ERBIN: variants seen among roughly 807,000 people sequenced by gnomAD.
ERBIN encodes the protein erbb2 interacting protein, also known as densin-180-like protein.
In ERBIN, 60 loss-of-function variants were observed where a neutral mutation model predicts 158.4. The ratio of observed to expected loss-of-function variants is 0.38; its 90% CI spans 0.31 to 0.47. The LOEUF (loss-of-function observed/expected upper bound fraction) is 0.47. Among genes scored for constraint, ERBIN ranks in the 20% least tolerant of loss-of-function variants. The pLI is 0.99. For missense variants in ERBIN, 1,610 were observed against 1,648.0 expected (o/e 0.98, Z 0.40); for synonymous variants, 594 against 557.2 (o/e 1.07, Z -0.93).
In ERBIN at chr5:65,995,319, T is replaced by C. The variant is rs551549258; in HGVS notation, c.307+455T>C. Among the ~76,000 whole-genome samples the C allele has an allele frequency of 5.3e-5, 8 of 151,930 alleles. No individual in the cohort carries two copies. In the South Asian group the frequency reaches 8.3e-4, roughly 16 times the overall value. On this transcript the variant is annotated intron_variant, in intron 4 of 25. Coordinates refer to ENST00000284037, the MANE Select transcript of ERBIN (RefSeq NM_001253697.2). ...CATCCCCAGCCCCTGGTAACCACCATGCTACTCTGCCTCTGCCTCAGCAAG... is the reference window on the plus strand; with the variant it reads ...CATCCCCAGCCCCTGGTAACCACCACGCTACTCTGCCTCTGCCTCAGCAAG...
intron 1 of ERBIN, among the ~76,000 whole-genome samples, chr5:65,929,883 G>A (rs373016059): frequency 2.5e-4 from 38 of 152,178 alleles, no homozygotes; most frequent in African/African-American, 8.9e-4. Flanking sequence ...CAGGTGATCT[G>A]CCCACCTTGG....
In ERBIN at chr5:65,976,504, A is replaced by G. The variant is rs994581944; in HGVS notation, c.-57-12131A>G. Among the ~76,000 whole-genome samples the G allele has an allele frequency of 3.4e-5, 5 of 149,232 alleles. 1 individual carries two copies. The highest frequency in any genetic ancestry group is 1.2e-4 in the African/African-American group (5 of 40,204). On this transcript the variant is annotated intron_variant, in intron 1 of 25. Transcript: ENST00000284037. ...AAAAGAAAGATTATATGAGAAAGCT[A>G]TTTCTTTTCTTTTTTCTTTTTTTTT...
At position 66,029,572 on chromosome 5, in the gene ERBIN, G is replaced by C. The variant is rs183284485; in HGVS notation, c.1206+1229G>C. Among the ~76,000 whole-genome samples, 25 of 151,696 alleles carry C rather than the reference G, an allele frequency of 1.6e-4. No individual in the cohort carries two copies. In the East Asian group the frequency reaches 3.5e-3, roughly 21 times the overall value. ...TTTCTGTTCTGTTCTGTTCTGTTCT[G>C]TCCTGTCCTGTCCTGTCCTGTCCTG... On this transcript the variant is annotated intron_variant, in intron 14 of 25. Transcript: ENST00000284037.
In ERBIN at chr5:66,050,849, A is replaced by G. The variant is rs745653471; in HGVS notation, c.1970A>G (p.Asn657Ser). ...CACAATAGCAATCAGAATAACAGCA[A>G]TTGTTCTTCTCCATCTCGGATGTCT... ...VTHNSNQNNS[N>S]CSSPSRMSDS... The change falls in exon 20 of 26, where the codon AAT becomes AGT. Residue 657 changes from asparagine to serine, a missense_variant. Physicochemically the swap from Asn to Ser is conservative, Grantham distance 46 (BLOSUM62 1). Coordinates refer to ENST00000284037, the MANE Select transcript of ERBIN (RefSeq NM_001253697.2). The G allele has an allele frequency of 3.1e-6, 5 of 1,601,912 alleles. No individual in the cohort carries two copies. The highest frequency in any genetic ancestry group is 4.3e-6 in the Non-Finnish European group (5 of 1,175,042).
In ERBIN at chr5:66,022,212, T is replaced by C. The variant is rs371091766; in HGVS notation, c.597+827T>C. Among the ~76,000 whole-genome samples the C allele has an allele frequency of 8.5e-5, 13 of 152,292 alleles. No individual in the cohort carries two copies. In the East Asian group the frequency reaches 1.5e-3, roughly 18 times the overall value. ...GTACCTCATTCTCTAAAATACATGC[T>C]GTGCTTCCCAAATTATTTATCTGTT... is the stretch of plus-strand genomic sequence containing the variant. On this transcript the variant is annotated intron_variant, in intron 8 of 25. Coordinates refer to ENST00000284037, the MANE Select transcript of ERBIN (RefSeq NM_001253697.2).
Position 66,054,903 on chromosome 5 carries a change from C to G in ERBIN, c.3585C>G (p.Asp1195Glu), listed in dbSNP as rs765071385. Residue 1195 changes from aspartate to glutamate, a missense_variant, in exon 21 of 26, where the codon GAC becomes GAG. Physicochemically the swap from Asp to Glu is conservative, Grantham distance 45. This residue lies in a region of ERBIN where 1,014 missense variants were observed against 936.1 expected (regional missense o/e 1.08). Transcript: ENST00000284037. ...DPPGKSKVPR[D>E]WREQVLRHIE... is the part of the protein sequence containing the mutation. The stretch of plus-strand genomic sequence containing the variant: ...CAGGAAAAAGTAAAGTTCCTCGTGA[C>G]TGGAGAGAACAAGTACTTCGACATA... 1.2e-5 allele frequency: 20 copies of G among 1,612,862 alleles called. No individual in the cohort carries two copies. The highest frequency in any genetic ancestry group is 1.7e-5 in the Non-Finnish European group (20 of 1,179,562).
chr5:66,067,567 A>G (rs1761117387), intron 21 of ERBIN, among the ~76,000 whole-genome samples: 1 of 152,160 alleles, frequency 6.6e-6, no homozygotes, highest in Non-Finnish European at 1.5e-5. Context: ...CAGTACTGGG[A>G]TTAGCAATTA....
intron 14 of ERBIN, among the ~76,000 whole-genome samples, chr5:66,036,894 T>C (rs570835996): frequency 1.3e-5 from 2 of 152,308 alleles, no homozygotes; most frequent in East Asian, 3.9e-4. Context: ...TTCTCATTCC[T>C]TTTTCTGTCT....
chr5:66,029,525 A>C (rs908050750), intron 14 of ERBIN, among the ~76,000 whole-genome samples: 8 of 152,258 alleles, frequency 5.3e-5, no homozygotes, highest in African/African-American at 1.9e-4. Context: ...AGGATTCTTC[A>C]TAGTTTTTAA....
At chr5:66,012,162 G>A (rs1203695742) in intron 5 of ERBIN, 35 bp downstream of exon 5, 3 of 1,379,576 alleles carry the variant, frequency 2.2e-6, no homozygotes, top group African/African-American at 1.5e-5. Flanking sequence ...TTACTTTTGT[G>A]AATAAAACAA....
chr5:66,009,863 T>G (rs778694152), intron 4 of ERBIN, among the ~76,000 whole-genome samples: 1 of 152,164 alleles, frequency 6.6e-6, no homozygotes, highest in Non-Finnish European at 1.5e-5. Flanking sequence ...ATTTTAAAAC[T>G]TAGATTAAGT....
rs1054667962 is a variant in ERBIN at position 66,024,508 on chromosome 5, A to G, written c.817+58A>G. ...ATTAAAATAAATTCGAGACTTCCAC[A>G]TAATCTCAAATTTCACTTGTTATGA... On this transcript the variant is annotated intron_variant, in intron 10 of 25. Coordinates refer to ENST00000284037, the MANE Select transcript of ERBIN (RefSeq NM_001253697.2). 7 of 1,489,558 alleles carry G rather than the reference A, an allele frequency of 4.7e-6. No homozygotes were observed. In the South Asian group the frequency reaches 5.1e-5, roughly 11 times the overall value. 92.3% of individuals were successfully genotyped at this position (1,489,558 alleles called of 1,614,324 possible). A position where few individuals can be genotyped will look rare whatever the true frequency, so the allele number is the denominator to read the frequency against.
intron 1 of ERBIN, among the ~76,000 whole-genome samples, chr5:65,968,990 T>A (rs150138240): frequency 3.8e-3 from 574 of 152,310 alleles, no homozygotes; most frequent in South Asian, 0.011. Flanking sequence ...GATTGAGAGG[T>A]CTCTTCCCTT....
chr5:65,987,783 T>G (rs1436639129), intron 1 of ERBIN, among the ~76,000 whole-genome samples: 7 of 149,946 alleles, frequency 4.7e-5, no homozygotes, highest in African/African-American at 1.7e-4. Context: ...AAGTGGAGGT[T>G]GCAGTGAGCT....
chr5:66,018,525 T>TA (rs1561380902), intron 7 of ERBIN, among the ~76,000 whole-genome samples: 187 of 6,864 alleles, frequency 0.027, 32 homozygotes, highest in Non-Finnish European at 0.044. Context: ...ATATAATATA[T>TA]ATTATATTAT....
intron 5 of ERBIN, 55 bp from the exon 6 acceptor site, chr5:66,013,490 TTTAA>T (rs1754420529): frequency 1.7e-6 from 2 of 1,207,584 alleles, no homozygotes; most frequent in Non-Finnish European, 2.5e-6. Flanking sequence ...AGTCTTAGAT[TTTAA>T]TAAAAGACTG....
chr5:65,965,262 A>G (rs1043944263), intron 1 of ERBIN, among the ~76,000 whole-genome samples: 1 of 151,464 alleles, frequency 6.6e-6, no homozygotes, highest in Non-Finnish European at 1.5e-5. Context: ...TTCTGTGTTC[A>G]TTATGTGGTG....
intron 5 of ERBIN, 21 bp downstream of exon 5, chr5:66,012,148 TA>T: frequency 1.3e-6 from 2 of 1,490,844 alleles, no homozygotes; most frequent in South Asian, 1.3e-5. Flanking sequence ...AGGTGAATTA[TA>T]AATTACTTTT....
chr5:66,052,977 A>G (rs1026225467), intron 20 of ERBIN, among the ~76,000 whole-genome samples: 1 of 152,196 alleles, frequency 6.6e-6, no homozygotes, highest in African/African-American at 2.4e-5. Context: ...TTCAAAATTA[A>G]CTGTAAAAAT....
Sources: gnomAD v4.1 joint callset for allele counts (sites outside exome capture counted in the v4.1 genomes callset) on GRCh38, gnomAD v4.1.1 for gene constraint, gnomAD v4.1.1 regional missense constraint, MANE v1.5 for transcripts, NCBI Gene and HGNC (gene_info 2026-07-23, HGNC 2026-07-21) for gene names.